ADORA1: variants seen among roughly 807,000 people sequenced by gnomAD.
The protein encoded by ADORA1 is adenosine A1 receptor, also known as adenosine receptor A1.
ADORA1 carries 6 observed loss-of-function variants against 19.9 expected under a neutral mutation model. That is an observed-to-expected ratio of 0.30 (90% CI 0.17 to 0.59). The LOEUF (loss-of-function observed/expected upper bound fraction) is 0.59, where lower values mean the gene tolerates loss of function less well. Ranked by LOEUF, ADORA1 falls within the 20% of genes least tolerant of loss-of-function variation. ADORA1 has a pLI of 0.87. For missense variants in ADORA1, 302 were observed against 439.2 expected, an observed-to-expected ratio of 0.69 and a Z score of 2.79; for synonymous variants, 194 against 188.4, an observed-to-expected ratio of 1.03 and a Z score of -0.24.
chr1:203,145,466 G>A (rs901107493), intron 3 of ADORA1, among the ~76,000 whole-genome samples: 1 of 152,222 alleles, frequency 6.6e-6, no homozygotes, highest in South Asian at 2.1e-4. Context: ...AGGTCCGGCC[G>A]CCTGTAAGGA....
intron 3 of ADORA1, among the ~76,000 whole-genome samples, chr1:203,151,788 G>GCATT (rs34226911): frequency 0.072 from 10,954 of 151,266 alleles, 479 homozygotes; most frequent in South Asian, 0.19. Context: ...ATGCATGCAT[G>GCATT]CATTCATTCA....
At chr1:203,157,788 C>G (rs921957806) in intron 3 of ADORA1, among the ~76,000 whole-genome samples, 3 of 152,254 alleles carry the variant, frequency 2.0e-5, no homozygotes, top group African/African-American at 7.2e-5. Context: ...CAAGCTACAT[C>G]TGGGCCTGCT....
At chr1:203,156,634 TC>T (rs759193846) in intron 3 of ADORA1, among the ~76,000 whole-genome samples, 70 of 152,300 alleles carry the variant, frequency 4.6e-4, no homozygotes, top group Non-Finnish European at 8.8e-4. Context: ...GACAGAGTCA[TC>T]TTGTTGACTC....
chr1:203,158,559 C>T (rs568144285), intron 3 of ADORA1, among the ~76,000 whole-genome samples: 1 of 152,308 alleles, frequency 6.6e-6, no homozygotes, highest in South Asian at 2.1e-4. Flanking sequence ...CATTTTTTAG[C>T]CTGCTCCTCC....
Position 203,135,793 on chromosome 1 carries a change from G to T in ADORA1, c.341+6611G>T, listed in dbSNP as rs563676373. ...AAATAGTGTAGGTGCTATCTAGAAA[G>T]ATTGCCTTGTGAGGTTAAATATTTC... On this transcript the variant is annotated intron_variant, in intron 3 of 3. Transcript: ENST00000337894. Among the ~76,000 whole-genome samples the T allele has an allele frequency of 3.3e-5, 5 of 152,232 alleles. No individual in the cohort carries two copies. In the South Asian group the frequency reaches 1.0e-3, roughly 32 times the overall value.
At chr1:203,140,084 A>G (rs1654631565) in intron 3 of ADORA1, among the ~76,000 whole-genome samples, 1 of 152,236 alleles carries the variant, frequency 6.6e-6, no homozygotes, top group African/African-American at 2.4e-5. Flanking sequence ...TCACCACCCG[A>G]AAGGGTTCAT....
rs146257712 is a variant in ADORA1, at chr1:203,131,938, C to T, written c.341+2756C>T. Among the ~76,000 whole-genome samples the T allele has an allele frequency of 4.6e-3, 693 of 152,284 alleles. 6 individuals carry two copies. The highest frequency in any genetic ancestry group is 0.016 in the African/African-American group (675 of 41,550). On this transcript the variant is annotated intron_variant, in intron 3 of 3. Transcript: ENST00000337894. Reference sequence around the variant, plus strand: ...CCTGGGCACAGAGAGTCGTACTGACCGAGCACTGGTGAGGCGTGTCTGGGG... The same window carrying T: ...CCTGGGCACAGAGAGTCGTACTGACTGAGCACTGGTGAGGCGTGTCTGGGG...
At chr1:203,160,668 G>T (rs900825037) in intron 3 of ADORA1, among the ~76,000 whole-genome samples, 3 of 152,150 alleles carry the variant, frequency 2.0e-5, no homozygotes, top group Non-Finnish European at 4.4e-5. Flanking sequence ...CTTAAAAATA[G>T]CTGGGCATGG....
intron 3 of ADORA1, among the ~76,000 whole-genome samples, chr1:203,159,142 A>G (rs1655286725): frequency 6.6e-6 from 1 of 152,064 alleles, no homozygotes; most frequent in Non-Finnish European, 1.5e-5. Context: ...CTTCTCCTCA[A>G]TTCCCATGCC....
intron 3 of ADORA1, among the ~76,000 whole-genome samples, chr1:203,161,427 G>A (rs575228556): frequency 1.3e-5 from 2 of 152,260 alleles, no homozygotes; most frequent in African/African-American, 4.8e-5. Flanking sequence ...CAACACAGGG[G>A]GGCCCCTGTC....
rs768403618 is a variant in ADORA1, at chr1:203,165,494, C to A, written c.575C>A (p.Pro192Gln). ...YFNFFVWVLPPLLLMVLIYLE... is the reference protein window; with the variant it reads ...YFNFFVWVLPQLLLMVLIYLE... The stretch of plus-strand genomic sequence containing the variant: ...AACTTCTTTGTGTGGGTGCTGCCCC[C>A]GCTTCTCCTCATGGTCCTCATCTAC... The change falls in exon 4 of 4, where the codon CCG (proline) becomes CAG (glutamine). Residue 192 changes from proline to glutamine, a missense_variant. Pro to Gln is a moderately conservative substitution (Grantham distance 76, BLOSUM62 -1). Transcript: ENST00000337894. This position sits in a 1 kb window ranked among gnomAD's most constrained non-coding sequence, Gnocchi z 5.9. The A allele has an allele frequency of 6.2e-7, 1 of 1,613,230 alleles. No homozygotes were observed. Among genetic ancestry groups the A allele is most frequent in the Non-Finnish European group, 8.5e-7 (1 of 1,179,362 alleles).
At chr1:203,141,561 C>T (rs1183068603) in intron 3 of ADORA1, among the ~76,000 whole-genome samples, 2 of 147,372 alleles carry the variant, frequency 1.4e-5, no homozygotes, top group African/African-American at 5.0e-5. Flanking sequence ...AAAAAAGCTC[C>T]TCTAACCTGG....
rs537580391 is a variant in ADORA1 at position 203,154,566 on chromosome 1, C to G, written c.342-10695C>G. Among the ~76,000 whole-genome samples, 11 of 152,250 alleles carry G rather than the reference C, an allele frequency of 7.2e-5. No individual in the cohort carries two copies. In the South Asian group the frequency reaches 1.2e-3, roughly 17 times the overall value. On this transcript the variant is annotated intron_variant, in intron 3 of 3. Transcript: ENST00000337894. ...TGCAGTTGGCTGGTAGAAGCCGCAC[C>G]CATGGTGGGCTTGTCTGGTGTGTGT...
intron 3 of ADORA1, among the ~76,000 whole-genome samples, chr1:203,134,365 G>C (rs994873308): frequency 1.3e-5 from 2 of 152,206 alleles, no homozygotes; most frequent in Admixed American, 1.3e-4. Context: ...GAGGCGGAGG[G>C]AAGTTGCTTT....
At chr1:203,143,443 C>T (rs186056740) in intron 3 of ADORA1, among the ~76,000 whole-genome samples, 54 of 152,320 alleles carry the variant, frequency 3.5e-4, no homozygotes, top group Middle Eastern at 3.4e-3. Flanking sequence ...ATTTGGGTGA[C>T]ACAGTCAGGT....
At position 203,166,090 on chromosome 1, in the gene ADORA1, G is replaced by T; in HGVS notation, c.*190G>T. The T allele has an allele frequency of 1.4e-6, 1 of 717,408 alleles. No homozygotes were observed. The highest frequency in any genetic ancestry group is 3.6e-5 in the Admixed American group (1 of 27,532). 44.4% of individuals were successfully genotyped at this position (717,408 alleles called of 1,614,324 possible). A position where few individuals can be genotyped will look rare whatever the true frequency, so the allele number is the denominator to read the frequency against. On this transcript the variant is annotated 3_prime_UTR_variant, in exon 4 of 4. Transcript: ENST00000337894. ...GGAGTTAACTACCCTACACCTCTGG[G>T]CCCTGCAGGAGGCCTGGGAGGGCAA...
rs776584018 is a variant in ADORA1, at chr1:203,160,499, A to G, written c.342-4762A>G. ...AGTGATAGGGTTGCGCTGAAGTATC[A>G]ATAAAACCATGTCTATAAAGTCAGT... On this transcript the variant is annotated intron_variant, in intron 3 of 3. Transcript: ENST00000337894. Among the ~76,000 whole-genome samples the G allele has an allele frequency of 2.0e-4, 30 of 152,322 alleles. 1 individual carries two copies. Among genetic ancestry groups the G allele is most frequent in the South Asian group, 2.1e-4 (1 of 4,828 alleles).
chr1:203,142,417 A>G (rs1654724681), intron 3 of ADORA1, among the ~76,000 whole-genome samples: 1 of 152,218 alleles, frequency 6.6e-6, no homozygotes, highest in Non-Finnish European at 1.5e-5. Context: ...AAATGAGGGA[A>G]TGCTCCAATG....
At position 203,165,928 on chromosome 1, in the gene ADORA1, C is replaced by T. The variant is rs763787447; in HGVS notation, c.*28C>T. Reference sequence around the variant, plus strand: ...CCCGCCTTCCGCTCCCACCAGCCCACATCCAGTGGGGTCTCAGTCCAGTCC... The same window carrying T: ...CCCGCCTTCCGCTCCCACCAGCCCATATCCAGTGGGGTCTCAGTCCAGTCC... On this transcript the variant is annotated 3_prime_UTR_variant, in exon 4 of 4. Coordinates refer to ENST00000337894, the MANE Select transcript of ADORA1 (RefSeq NM_000674.3). The surrounding 1 kb of genome is among the most constrained non-coding windows in gnomAD (Gnocchi z 5.9). 16 of 1,527,452 alleles carry T rather than the reference C, an allele frequency of 1.0e-5. No individual in the cohort carries two copies. The East Asian group carries it at 3.6e-4, about 35-fold the overall frequency. 94.6% of individuals were successfully genotyped at this position (1,527,452 alleles called of 1,614,324 possible).
Sources: gnomAD v4.1 joint callset for allele counts (sites outside exome capture counted in the v4.1 genomes callset) on GRCh38, gnomAD v4.1.1 for gene constraint, Gnocchi (gnomAD v3.1) non-coding constraint, MANE v1.5 for transcripts, NCBI Gene and HGNC (gene_info 2026-07-23, HGNC 2026-07-21) for gene names.